Variants in KIF13A observed in about 807,000 individuals in gnomAD.
The protein encoded by KIF13A is kinesin-like protein KIF13A.
A neutral mutation model predicts 212.2 loss-of-function variants in KIF13A; 79 were observed. That is an observed-to-expected ratio of 0.37 (90% CI 0.31 to 0.45). KIF13A has a LOEUF of 0.45. KIF13A is among the 20% of genes least tolerant of loss of function. The pLI is 1.00. For synonymous variants in KIF13A, 789 were observed against 808.6 expected (o/e 0.98, Z 0.41); for missense variants, 1,901 against 2,209.0 (o/e 0.86, Z 2.79).
intron 2 of KIF13A, among the ~76,000 whole-genome samples, chr6:17,975,572 A>T (rs1296886396): frequency 1.3e-5 from 2 of 152,220 alleles, no homozygotes; most frequent in Non-Finnish European, 1.5e-5. Context: ...AGTACAGAAC[A>T]AAACGCGAAC....
chr6:17,805,664 G>A lies in KIF13A; in HGVS notation c.2164-49C>T, dbSNP rs369134691. 460 of 1,517,588 alleles carry A rather than the reference G, an allele frequency of 3.0e-4. 2 individuals carry two copies. Among genetic ancestry groups the A allele is most frequent in the Non-Finnish European group, 3.2e-4 (360 of 1,121,284 alleles). The allele number at this position is 1,517,588 out of a possible 1,614,324, so 94.0% of individuals were successfully genotyped here. ...CAAACCCTGTTATAACTCCTTTTTC[G>A]ATTGCTAAAGCAATATATATACAAC... On this transcript the variant is annotated intron_variant, in intron 18 of 38. Coordinates refer to ENST00000259711, the MANE Select transcript of KIF13A (RefSeq NM_022113.6).
chr6:17,787,192 G>A lies in KIF13A; in HGVS notation c.3361+584C>T, dbSNP rs1377181593. Among the ~76,000 whole-genome samples, 1 of 152,166 alleles carries A rather than the reference G, an allele frequency of 6.6e-6. No individual in the cohort carries two copies. The highest frequency in any genetic ancestry group is 1.5e-5 in the Non-Finnish European group (1 of 68,040). On this transcript the variant is annotated intron_variant, in intron 27 of 38. Transcript: ENST00000259711. The surrounding 1 kb of genome is among the most constrained non-coding windows in gnomAD (Gnocchi z 4.6). Reference sequence around the variant, plus strand: ...TACCTTGTATTGACATACTGGTATTGATCACATTTGTGTTCATCAAAACGA... The same window carrying A: ...TACCTTGTATTGACATACTGGTATTAATCACATTTGTGTTCATCAAAACGA...
chr6:17,794,034 T>A lies in KIF13A; in HGVS notation c.3222+215A>T, dbSNP rs767069021. Among the ~76,000 whole-genome samples the A allele has an allele frequency of 3.9e-5, 6 of 152,174 alleles. No homozygotes were observed. The highest frequency in any genetic ancestry group is 8.8e-5 in the Non-Finnish European group (6 of 68,038). ...ATCTGCCTAAAGTTAATGACTACTA[T>A]AGCATTAGGATGCGTGTGTTTATAA... On this transcript the variant is annotated intron_variant, in intron 25 of 38. Transcript: ENST00000259711. The surrounding 1 kb of genome is among the most constrained non-coding windows in gnomAD (Gnocchi z 4.1).
rs1240796727 is a variant in KIF13A at position 17,787,216 on chromosome 6, G to A, written c.3361+560C>T. 2.0e-5 allele frequency among the ~76,000 whole-genome samples: 3 copies of A among 152,172 alleles called. No homozygotes were observed. The highest frequency in any genetic ancestry group is 4.4e-5 in the Non-Finnish European group (3 of 68,032). On this transcript the variant is annotated intron_variant, in intron 27 of 38. Coordinates refer to ENST00000259711, the MANE Select transcript of KIF13A (RefSeq NM_022113.6). This position sits in a 1 kb window ranked among gnomAD's most constrained non-coding sequence, Gnocchi z 4.6. ...TGATCACATTTGTGTTCATCAAAAC[G>A]AAATTTGAATTTGACATTTAATGTC...
At position 17,951,578 on chromosome 6, in the gene KIF13A, C is replaced by A. The variant is rs1777851084; in HGVS notation, c.146+35476G>T. 1 of 417,948 alleles carries A rather than the reference C, an allele frequency of 2.4e-6. No homozygotes were observed. The highest frequency in any genetic ancestry group is 4.3e-5 in the Admixed American group (1 of 23,000). The allele number at this position is 417,948 out of a possible 1,614,324, so 25.9% of individuals were successfully genotyped here. ...CAACTGCAGAACATTCTCAATACCC[C>A]CCTCAAAAAATGCCATATCCATCGG... On this transcript the variant is annotated intron_variant, in intron 2 of 38. Coordinates refer to ENST00000259711, the MANE Select transcript of KIF13A (RefSeq NM_022113.6). The surrounding 1 kb of genome is among the most constrained non-coding windows in gnomAD (Gnocchi z 4.9).
In KIF13A at chr6:17,900,062, G is replaced by A. The variant is rs1772917276; in HGVS notation, c.147-1882C>T. Among the ~76,000 whole-genome samples the A allele has an allele frequency of 6.6e-6, 1 of 152,126 alleles. No homozygotes were observed. Among genetic ancestry groups the A allele is most frequent in the African/African-American group, 2.4e-5 (1 of 41,426 alleles). On this transcript the variant is annotated intron_variant, in intron 2 of 38. Coordinates refer to ENST00000259711, the MANE Select transcript of KIF13A (RefSeq NM_022113.6). The surrounding 1 kb of genome is among the most constrained non-coding windows in gnomAD (Gnocchi z 4.6). ...AAAATCACTGCTTTATTTAAAAGAGGAAAGAAAAGTCACTTGGGTTACAAT... is the reference window on the plus strand; with the variant it reads ...AAAATCACTGCTTTATTTAAAAGAGAAAAGAAAAGTCACTTGGGTTACAAT...
chr6:17,981,486 A>G (rs1031725808), intron 2 of KIF13A, among the ~76,000 whole-genome samples: 8 of 146,828 alleles, frequency 5.4e-5, no homozygotes, highest in African/African-American at 2.0e-4. Flanking sequence ...GTGCAGTGAC[A>G]TGATCTCGGC....
chr6:17,923,685 AAGGGAGC>A (rs963631960), intron 2 of KIF13A, among the ~76,000 whole-genome samples: 2 of 152,214 alleles, frequency 1.3e-5, no homozygotes, highest in African/African-American at 4.8e-5. Flanking sequence ...GGCCAGTAAA[AAGGGAGC>A]AGACCAAAAT....
At chr6:17,933,745 A>C (rs1033276562) in intron 2 of KIF13A, among the ~76,000 whole-genome samples, 2 of 152,190 alleles carry the variant, frequency 1.3e-5, no homozygotes, top group Admixed American at 6.5e-5. Context: ...TAAACTTCCA[A>C]TGCAGAAGCA....
At chr6:17,908,668 C>T (rs62398174) in intron 2 of KIF13A, among the ~76,000 whole-genome samples, 327 of 151,290 alleles carry the variant, frequency 2.2e-3, no homozygotes, top group Non-Finnish European at 3.4e-3. Context: ...TCCTGATATG[C>T]CTTCTTAAAA....
rs11396690 is a variant in KIF13A, at chr6:17,777,383, C to CTTT, written c.4093-32_4093-30dup. 1.0e-3 allele frequency: 1,374 copies of CTTT among 1,315,932 alleles called. 1 individual carries two copies. The highest frequency in any genetic ancestry group is 3.6e-3 in the African/African-American group (241 of 66,032). 81.5% of individuals were successfully genotyped at this position (1,315,932 alleles called of 1,614,324 possible). On this transcript the variant is annotated intron_variant, in intron 33 of 38. Coordinates refer to ENST00000259711, the MANE Select transcript of KIF13A (RefSeq NM_022113.6). This position sits in a 1 kb window ranked among gnomAD's most constrained non-coding sequence, Gnocchi z 4.4. ...TAAACATAATAATTTGAAAATAACA[C>CTTT]TTTTTTTTTTTTTCCCCAGAGACAG... is the stretch of plus-strand genomic sequence containing the variant.
chr6:17,804,447 T>A lies in KIF13A; in HGVS notation c.2368A>T (p.Ile790Phe). 6.3e-7 allele frequency: 1 copy of A among 1,584,840 alleles called. No homozygotes were observed. Among genetic ancestry groups the A allele is most frequent in the Non-Finnish European group, 8.6e-7 (1 of 1,164,506 alleles). Residue 790 changes from isoleucine (I) to phenylalanine (F), a missense_variant, in exon 20 of 39, where the codon ATC (isoleucine) becomes TTC (phenylalanine). By Grantham distance (21) the Ile-to-Phe change is conservative. Transcript: ENST00000259711. Reference sequence around the variant, plus strand: ...TCCAAGAATACATTCGCCACCCCGATGAGGTTGTGATTTTCTTGGGCTTCA... The same window carrying A: ...TCCAAGAATACATTCGCCACCCCGAAGAGGTTGTGATTTTCTTGGGCTTCA... ...FYEAQENHNL[I>F]GVANVFLECL...
intron 4 of KIF13A, among the ~76,000 whole-genome samples, chr6:17,862,534 G>A (rs987973363): frequency 6.6e-6 from 1 of 152,154 alleles, no homozygotes; most frequent in African/African-American, 2.4e-5. Context: ...CAGGTGTGGT[G>A]GCTCATGCCT....
At chr6:17,924,209 C>T (rs747661196) in intron 2 of KIF13A, among the ~76,000 whole-genome samples, 4 of 152,144 alleles carry the variant, frequency 2.6e-5, no homozygotes, top group African/African-American at 7.2e-5. Context: ...CATTTGTTCA[C>T]GTGCTCAAAA....
intron 2 of KIF13A, among the ~76,000 whole-genome samples, chr6:17,960,202 A>G (rs918431768): frequency 6.6e-6 from 1 of 152,212 alleles, no homozygotes; most frequent in Non-Finnish European, 1.5e-5. Context: ...AAATCATAAA[A>G]AAAGGTTATG....
chr6:17,956,731 G>A (rs919370005), intron 2 of KIF13A, among the ~76,000 whole-genome samples: 4 of 151,738 alleles, frequency 2.6e-5, no homozygotes, highest in Non-Finnish European at 5.9e-5. Context: ...CTGGCTGTGG[G>A]TCAAAAAAAA....
chr6:17,853,590 C>T (rs1365176706), intron 6 of KIF13A, among the ~76,000 whole-genome samples: 3 of 151,990 alleles, frequency 2.0e-5, no homozygotes, highest in Non-Finnish European at 4.4e-5. Context: ...AGGAACCACA[C>T]AAAAGACAGA....
chr6:17,778,332 C>T lies in KIF13A; in HGVS notation c.4092+615G>A, dbSNP rs115787066. Among the ~76,000 whole-genome samples, 621 of 152,164 alleles carry T rather than the reference C, an allele frequency of 4.1e-3. 8 individuals are homozygous for T. Among genetic ancestry groups the T allele is most frequent in the African/African-American group, 0.014 (573 of 41,510 alleles). ...TCATGCAGCAATTCAGGTGGGATTT[C>T]CACTAAGGGAAGATTTTTCTGACAG... On this transcript the variant is annotated intron_variant, in intron 33 of 38. Transcript: ENST00000259711.
At chr6:17,770,081 G>C (rs1160985272) in intron 38 of KIF13A, among the ~76,000 whole-genome samples, 1 of 152,120 alleles carries the variant, frequency 6.6e-6, no homozygotes, top group African/African-American at 2.4e-5. Context: ...CTGCATATCT[G>C]GATTAAGCTG....
Sources: gnomAD v4.1 joint callset for allele counts (sites outside exome capture counted in the v4.1 genomes callset) on GRCh38, gnomAD v4.1.1 for gene constraint, Gnocchi (gnomAD v3.1) non-coding constraint, MANE v1.5 for transcripts, NCBI Gene and HGNC (gene_info 2026-07-23, HGNC 2026-07-21) for gene names.